SBK1: variants seen among roughly 807,000 people sequenced by gnomAD.
SBK1 encodes serine/threonine-protein kinase SBK1.
A neutral mutation model predicts 24.4 loss-of-function variants in SBK1; 11 were observed. The observed-to-expected ratio is 0.45, with a 90% confidence interval of 0.28 to 0.75. SBK1 has a LOEUF of 0.75. SBK1 is among the 30% of genes least tolerant of loss of function. The pLI, the probability that SBK1 is intolerant of heterozygous loss-of-function variation, is 0.12. For missense variants in SBK1, 467 were observed against 620.5 expected (o/e 0.75, Z 2.63); for synonymous variants, 308 against 284.4 (o/e 1.08, Z -0.83).
intron 1 of SBK1, among the ~76,000 whole-genome samples, chr16:28,265,962 TA>T (rs11393970): frequency 0.021 from 3,021 of 141,854 alleles, 64 homozygotes; most frequent in African/African-American, 0.059. Context: ...CTGTCTCAAT[TA>T]AAAAAAAAAA....
upstream of SBK1, chr16:28,290,760 G>C (rs2044593544): frequency 6.6e-6 from 1 of 152,206 alleles, no homozygotes; most frequent in African/African-American, 2.4e-5. Context: ...AGACAATCTA[G>C]ACAGAGGCAG....
Position 28,285,835 on chromosome 16 carries a change from A to C in SBK1, c.257+26333A>C, listed in dbSNP as rs2077669398. ...GCTGTTCTTCTTGTACGGGGTTGGC[A>C]CACTTTCAGCTGCAAAAAAGCCAGA... On this transcript the variant is annotated intron_variant, in intron 1 of 3. Transcript: ENST00000671413. 2 of 152,212 alleles carry C rather than the reference A, an allele frequency of 1.3e-5. 1 individual carries two copies. The highest frequency in any genetic ancestry group is 6.3e-3 in the Middle Eastern group (2 of 316). The allele number at this position is 152,212 out of a possible 1,614,324, so 9.4% of individuals were successfully genotyped here.
chr16:28,317,284 G>A lies in SBK1; in HGVS notation c.-7-101G>A. The A allele has an allele frequency of 1.2e-6, 1 of 835,226 alleles. No homozygotes were observed. Among genetic ancestry groups the A allele is most frequent in the Non-Finnish European group, 1.9e-6 (1 of 525,616 alleles). 51.7% of individuals were successfully genotyped at this position (835,226 alleles called of 1,614,324 possible). A position where few individuals can be genotyped will look rare whatever the true frequency, so the allele number is the denominator to read the frequency against. ...TGGTTATCTTGGGCCTGGCATCCGG[G>A]CCCATCCTCAAGTTTTCTGGGTTCT... On this transcript the variant is annotated intron_variant, in intron 1 of 3. Transcript: ENST00000341901. This position sits in a 1 kb window ranked among gnomAD's most constrained non-coding sequence, Gnocchi z 4.2.
In SBK1 at chr16:28,321,119, G is replaced by A. The variant is rs1897014153; in HGVS notation, c.*198G>A. 1 of 441,692 alleles carries A rather than the reference G, an allele frequency of 2.3e-6. No individual in the cohort carries two copies. The highest frequency in any genetic ancestry group is 3.8e-6 in the Non-Finnish European group (1 of 264,754). 27.4% of individuals were successfully genotyped at this position (441,692 alleles called of 1,614,324 possible). ...CCAAAGACCCCTAGCGCGGCCTGGT[G>A]AGCGGGGGCTTGGCCCAGAGGAGCC... is the stretch of plus-strand genomic sequence containing the variant. On this transcript the variant is annotated 3_prime_UTR_variant, in exon 4 of 4. Coordinates refer to ENST00000341901, the MANE Select transcript of SBK1 (RefSeq NM_001024401.3).
intron 1 of SBK1, among the ~76,000 whole-genome samples, chr16:28,299,828 C>G (rs1299779224): frequency 1.3e-5 from 2 of 152,226 alleles, no homozygotes; most frequent in Admixed American, 1.3e-4. Context: ...CCGCCATGGC[C>G]TCGGAGGCCC....
At chr16:28,272,325 C>T (rs965439471) in intron 1 of SBK1, among the ~76,000 whole-genome samples, 1 of 152,148 alleles carries the variant, frequency 6.6e-6, no homozygotes, top group Non-Finnish European at 1.5e-5. Context: ...TAGCCTCAGC[C>T]TCCCAAAGTG....
upstream of SBK1, chr16:28,290,429 G>C (rs575267588): frequency 6.6e-6 from 1 of 152,232 alleles, no homozygotes; most frequent in African/African-American, 2.4e-5. Context: ...GAAGTCAGGA[G>C]TTTGAGACCA....
intron 1 of SBK1, among the ~76,000 whole-genome samples, chr16:28,269,066 C>T (rs1161420973): frequency 1.5e-5 from 2 of 135,702 alleles, no homozygotes; most frequent in African/African-American, 5.9e-5. Context: ...TGGAGTCTTG[C>T]TCTGTCACCC....
intron 1 of SBK1, among the ~76,000 whole-genome samples, chr16:28,309,764 C>A (rs569189708): frequency 6.6e-6 from 1 of 152,130 alleles, no homozygotes; most frequent in Non-Finnish European, 1.5e-5. Flanking sequence ...AAGCACCCCC[C>A]CTTCTCAGGG....
rs773098562 is a variant in SBK1 at position 28,320,967 on chromosome 16, C to T, written c.*46C>T. The T allele has an allele frequency of 7.4e-7, 1 of 1,346,260 alleles. No homozygotes were observed. The highest frequency in any genetic ancestry group is 9.5e-7 in the Non-Finnish European group (1 of 1,053,842). 83.4% of individuals were successfully genotyped at this position (1,346,260 alleles called of 1,614,324 possible). Reference sequence around the variant, plus strand: ...ACCCGGGAGCAGCCCGGGCCCGCCCCGAGCCGGTGCCCGGTGCGGCGGTAG... The same window carrying T: ...ACCCGGGAGCAGCCCGGGCCCGCCCTGAGCCGGTGCCCGGTGCGGCGGTAG... On this transcript the variant is annotated 3_prime_UTR_variant, in exon 4 of 4. Transcript: ENST00000341901. This position sits in a 1 kb window ranked among gnomAD's most constrained non-coding sequence, Gnocchi z 8.5.
chr16:28,281,167 A>G (rs183964167), intron 1 of SBK1, among the ~76,000 whole-genome samples: 2 of 152,220 alleles, frequency 1.3e-5, no homozygotes, highest in East Asian at 1.9e-4. Flanking sequence ...CCCAGCCACT[A>G]GGATTTGAGC....
intron 1 of SBK1, among the ~76,000 whole-genome samples, chr16:28,278,222 C>T (rs949497006): frequency 6.6e-6 from 1 of 152,232 alleles, no homozygotes; most frequent in Admixed American, 6.5e-5. Flanking sequence ...AGGCCACATC[C>T]GGTCCCGGGA....
intron 1 of SBK1, among the ~76,000 whole-genome samples, chr16:28,270,006 C>T (rs1229875499): frequency 6.6e-6 from 1 of 152,118 alleles, no homozygotes. Context: ...ATCATAATGG[C>T]ATCGGACTTC....
chr16:28,312,025 C>T (rs916371228), intron 1 of SBK1, among the ~76,000 whole-genome samples: 2 of 152,232 alleles, frequency 1.3e-5, no homozygotes, highest in Non-Finnish European at 2.9e-5. Context: ...AAGCCCAAGG[C>T]GGGAGGATTG....
At chr16:28,292,430 C>G, upstream of SBK1, 1 of 636,536 alleles carries the variant, frequency 1.6e-6, no homozygotes, top group Non-Finnish European at 1.9e-6. Flanking sequence ...GCGCGCCGAG[C>G]GGGACGGACA....
At chr16:28,273,526 A>C (rs1005996032) in intron 1 of SBK1, among the ~76,000 whole-genome samples, 3 of 152,142 alleles carry the variant, frequency 2.0e-5, no homozygotes, top group African/African-American at 7.2e-5. Flanking sequence ...GCCCGGCCAT[A>C]GGTTGTCTTT....
At position 28,276,646 on chromosome 16, in the gene SBK1, TTTTA is replaced by T. The variant is rs201192938; in HGVS notation, c.257+17158_257+17161del. On this transcript the variant is annotated intron_variant, in intron 1 of 3. Coordinates refer to the SBK1 transcript ENST00000671413. The stretch of plus-strand genomic sequence containing the variant: ...TGCAGGTGGTGGATTGAAGTTTTTA[TTTTA>T]TTTATTTATTTATGTATTTATTTAT... Among the ~76,000 whole-genome samples, 115 of 150,486 alleles carry T rather than the reference TTTTA, an allele frequency of 7.6e-4. 1 individual carries two copies. The South Asian group carries it at 0.021, about 27-fold the overall frequency.
intron 1 of SBK1, among the ~76,000 whole-genome samples, chr16:28,279,218 A>G (rs2044513802): frequency 6.6e-6 from 1 of 151,368 alleles, no homozygotes; most frequent in African/African-American, 2.4e-5. Flanking sequence ...AAAAAAAAAA[A>G]AAAAAGGAAA....
At chr16:28,273,256 T>C (rs1220409403) in intron 1 of SBK1, among the ~76,000 whole-genome samples, 1 of 151,842 alleles carries the variant, frequency 6.6e-6, no homozygotes, top group Non-Finnish European at 1.5e-5. Context: ...GTTTCTTTCT[T>C]ATTGACCAAG....
Sources: allele counts gnomAD v4.1 joint callset (sites outside exome capture counted in the v4.1 genomes callset), GRCh38; gene constraint gnomAD v4.1.1; non-coding constraint Gnocchi (gnomAD v3.1); transcripts MANE v1.5; gene names NCBI Gene and HGNC (gene_info 2026-07-23, HGNC 2026-07-21).